MAGI1: variants seen among roughly 807,000 people sequenced by gnomAD.
MAGI1 encodes membrane-associated guanylate kinase, WW and PDZ domain-containing protein 1.
A neutral mutation model predicts 139.9 loss-of-function variants in MAGI1; 58 were observed. That is an observed-to-expected ratio of 0.41 (90% confidence interval 0.34 to 0.52). The LOEUF (loss-of-function observed/expected upper bound fraction) is 0.52, where lower values mean the gene tolerates loss of function less well. Ranked by LOEUF, MAGI1 falls within the 20% of genes least tolerant of loss-of-function variation. The pLI is 0.12. For missense variants in MAGI1, 1,874 were observed against 1,901.6 expected, an observed-to-expected ratio of 0.99 and a Z score of 0.27; for synonymous variants, 812 against 737.9, an observed-to-expected ratio of 1.10 and a Z score of -1.63.
chr3:65,401,459 G>A lies in MAGI1; in HGVS notation c.2179C>T (p.Pro727Ser). 6.2e-7 allele frequency: 1 copy of A among 1,612,162 alleles called. No homozygotes were observed. The change falls in exon 13 of 23, where the codon CCC becomes TCC. Residue 727 changes from proline (P) to serine (S), a missense_variant. By Grantham distance (74) the Pro-to-Ser change is moderately conservative (BLOSUM62 -1). This residue lies in a region of MAGI1 where 482 missense variants were observed against 509.6 expected (regional missense o/e 0.95). Coordinates refer to ENST00000402939, the MANE Select transcript of MAGI1 (RefSeq NM_001033057.2). ...CTTACCGACTTTGGGCTCTTCTTGGGAACTGGCAGCCCTGGAAAAAATGCA... is the reference window on the plus strand; with the variant it reads ...CTTACCGACTTTGGGCTCTTCTTGGAAACTGGCAGCCCTGGAAAAAATGCA... Reference protein sequence around the residue: ...LLVQRGGLPVPKKSPKSQPLE... With the variant: ...LLVQRGGLPVSKKSPKSQPLE...
intron 2 of MAGI1, among the ~76,000 whole-genome samples, chr3:65,543,774 G>A (rs1052340173): frequency 9.2e-5 from 14 of 152,024 alleles, no homozygotes; most frequent in Non-Finnish European, 1.3e-4. Flanking sequence ...GTACAAGAGG[G>A]ATAGCATTTG....
intron 2 of MAGI1, among the ~76,000 whole-genome samples, chr3:65,512,242 A>G (rs1249258468): frequency 4.5e-5 from 6 of 133,988 alleles, no homozygotes; most frequent in Non-Finnish European, 1.6e-5. Flanking sequence ...CACAATTAAA[A>G]GAACTAGAAA....
chr3:65,421,887 G>A (rs764881668), intron 12 of MAGI1, among the ~76,000 whole-genome samples: 1 of 152,220 alleles, frequency 6.6e-6, no homozygotes, highest in South Asian at 2.1e-4. Context: ...AAAGAACTCA[G>A]AGCAGTTACT....
At chr3:65,795,868 T>C (rs2040101374) in intron 1 of MAGI1, among the ~76,000 whole-genome samples, 1 of 151,712 alleles carries the variant, frequency 6.6e-6, no homozygotes, top group South Asian at 2.1e-4. Context: ...CTGGCCAAAA[T>C]GGTGAAACCC....
intron 1 of MAGI1, among the ~76,000 whole-genome samples, chr3:65,693,409 G>A (rs1040516774): frequency 8.5e-5 from 13 of 152,156 alleles, no homozygotes; most frequent in African/African-American, 3.1e-4. Flanking sequence ...TGTCCACAGT[G>A]CCCCCATACA....
At chr3:65,483,087 T>TA (rs1467372145) in intron 3 of MAGI1, among the ~76,000 whole-genome samples, 3 of 152,336 alleles carry the variant, frequency 2.0e-5, no homozygotes, top group Admixed American at 6.5e-5. Context: ...TGAGTAGATG[T>TA]AAAAAAACCT....
intron 1 of MAGI1, among the ~76,000 whole-genome samples, chr3:65,638,808 T>A (rs552213346): frequency 3.9e-5 from 6 of 151,924 alleles, no homozygotes; most frequent in Non-Finnish European, 8.8e-5. Flanking sequence ...GGTTTCACCA[T>A]GTTGGCCAGG....
At position 65,636,874 on chromosome 3, in the gene MAGI1, G is replaced by C. The variant is rs115619869; in HGVS notation, c.314-14786C>G. On this transcript the variant is annotated intron_variant, in intron 1 of 22. Coordinates refer to ENST00000402939, the MANE Select transcript of MAGI1 (RefSeq NM_001033057.2). Reference sequence around the variant, plus strand: ...TAGGAAAGACCTCAATGAATTCCAAGTACAAAAACAAAAAACTTCAGACCC... The same window carrying C: ...TAGGAAAGACCTCAATGAATTCCAACTACAAAAACAAAAAACTTCAGACCC... Among the ~76,000 whole-genome samples, 610 of 152,284 alleles carry C rather than the reference G, an allele frequency of 4.0e-3. 7 individuals carry two copies. The highest frequency in any genetic ancestry group is 0.014 in the African/African-American group (589 of 41,566).
intron 2 of MAGI1, among the ~76,000 whole-genome samples, chr3:65,600,186 T>C (rs1368929692): frequency 6.6e-6 from 1 of 152,192 alleles, no homozygotes; most frequent in Non-Finnish European, 1.5e-5. Context: ...ACAAATTAAA[T>C]TGCTCTTTTG....
At chr3:65,991,242 T>A (rs2066153658) in intron 1 of MAGI1, among the ~76,000 whole-genome samples, 1 of 134,916 alleles carries the variant, frequency 7.4e-6, no homozygotes, top group East Asian at 2.2e-4. Flanking sequence ...TGAGCTGAGA[T>A]CTGCCACTGC....
intron 6 of MAGI1, among the ~76,000 whole-genome samples, chr3:65,448,753 A>G (rs1948833460): frequency 6.6e-6 from 1 of 152,032 alleles, no homozygotes; most frequent in African/African-American, 2.4e-5. Flanking sequence ...GAGCTCAGAA[A>G]TATTAGAATT....
chr3:65,583,526 C>A (rs1015693437), intron 2 of MAGI1, among the ~76,000 whole-genome samples: 12 of 152,036 alleles, frequency 7.9e-5, no homozygotes, highest in African/African-American at 2.9e-4. Context: ...ATATTTCTTA[C>A]TGACAGCAGG....
At chr3:65,445,625 T>G in intron 7 of MAGI1, among the ~76,000 whole-genome samples, 1 of 152,198 alleles carries the variant, frequency 6.6e-6, no homozygotes, top group African/African-American at 2.4e-5. Flanking sequence ...CCCTAGTTGG[T>G]TTCACCACAT....
intron 1 of MAGI1, among the ~76,000 whole-genome samples, chr3:65,803,695 C>T (rs1299074074): frequency 6.6e-6 from 1 of 152,062 alleles, no homozygotes; most frequent in Admixed American, 6.6e-5. Context: ...TCTCTCTCTC[C>T]TGTCACCCTC....
chr3:65,856,423 A>G (rs901506572), intron 1 of MAGI1, among the ~76,000 whole-genome samples: 2 of 151,970 alleles, frequency 1.3e-5, no homozygotes, highest in Non-Finnish European at 2.9e-5. Flanking sequence ...AGATGGTGAC[A>G]CTCAATGTCC....
intron 12 of MAGI1, among the ~76,000 whole-genome samples, chr3:65,425,277 A>C (rs543160567): frequency 6.6e-6 from 1 of 152,290 alleles, no homozygotes; most frequent in African/African-American, 2.4e-5. Context: ...GAATTGGCAC[A>C]AATGCTACCT....
At chr3:66,005,070 G>C (rs2066941538) in intron 1 of MAGI1, among the ~76,000 whole-genome samples, 1 of 152,156 alleles carries the variant, frequency 6.6e-6, no homozygotes. Flanking sequence ...ATGACATCAA[G>C]ATAAAATCTA....
At chr3:65,759,065 C>CAAAAAAAAAAAAAAA (rs200497203) in intron 1 of MAGI1, among the ~76,000 whole-genome samples, 4 of 73,072 alleles carry the variant, frequency 5.5e-5, no homozygotes, top group African/African-American at 1.6e-4. Context: ...AGGCCCAGTG[C>CAAAAAAAAAAAAAAA]AAAAAAAAAA....
chr3:65,512,860 G>T (rs1187578431), intron 2 of MAGI1, among the ~76,000 whole-genome samples: 1 of 151,616 alleles, frequency 6.6e-6, no homozygotes, highest in Admixed American at 6.6e-5. Flanking sequence ...CCAAAAAAGA[G>T]AATTTTAGAC....
Sources: allele counts gnomAD v4.1 joint callset (sites outside exome capture counted in the v4.1 genomes callset), GRCh38; gene constraint gnomAD v4.1.1; regional missense constraint gnomAD v4.1.1; transcripts MANE v1.5; gene names NCBI Gene and HGNC (gene_info 2026-07-23, HGNC 2026-07-21).